Variants in LINGO2 observed in about 807,000 individuals in gnomAD.
LINGO2 encodes leucine-rich repeat and immunoglobulin-like domain-containing nogo receptor-interacting protein 2.
Under a neutral mutation model 30.6 loss-of-function variants are expected in LINGO2, and 14 were observed. The observed-to-expected ratio is 0.46, with a 90% CI of 0.30 to 0.72. LINGO2 has a LOEUF of 0.72. Ranked by LOEUF, LINGO2 falls within the 30% of genes least tolerant of loss-of-function variation. The pLI, the probability that LINGO2 is intolerant of heterozygous loss-of-function variation, is 0.07. For synonymous variants in LINGO2, 317 were observed against 288.5 expected, an observed-to-expected ratio of 1.10 and a Z score of -1.00; for missense variants, 729 against 751.7, an observed-to-expected ratio of 0.97 and a Z score of 0.35.
At chr9:29,073,326 C>A in the LINGO2 span, among the ~76,000 whole-genome samples, 2 of 151,966 alleles carry the variant, frequency 1.3e-5, no homozygotes, top group Admixed American at 6.6e-5. Flanking sequence ...CATACATTTG[C>A]AGAGTACCTA....
chr9:28,356,872 CTCTTCCACTGAG>C (rs902569441), intron 3 of LINGO2, among the ~76,000 whole-genome samples: 21 of 151,976 alleles, frequency 1.4e-4, no homozygotes, highest in African/African-American at 4.3e-4. Flanking sequence ...AGTTTACTTC[CTCTTCCACTGAG>C]TGATTATATT....
chr9:28,294,745 G>T (rs1209505247), intron 4 of LINGO2, among the ~76,000 whole-genome samples: 1 of 152,110 alleles, frequency 6.6e-6, no homozygotes, highest in East Asian at 1.9e-4. Flanking sequence ...TACTTTCAAA[G>T]AAATAAAAGA....
intron 5 of LINGO2, among the ~76,000 whole-genome samples, chr9:28,000,767 A>T (rs1326475453): frequency 6.6e-6 from 1 of 152,132 alleles, no homozygotes; most frequent in East Asian, 1.9e-4. Flanking sequence ...AAGTACACAT[A>T]AAAAAACTGC....
rs1176554662 is a variant in LINGO2, at chr9:28,148,402, G to A, written c.-86-135997C>T. ...ACCTTCAACTTCCTTCATTAGATGA[G>A]CAGGTGATCCCAGCCAGGCTCCCGA... is the stretch of plus-strand genomic sequence containing the variant. On this transcript the variant is annotated intron_variant, in intron 4 of 5. Coordinates refer to ENST00000379992, the Ensembl canonical transcript of LINGO2. The surrounding 1 kb of genome is among the most constrained non-coding windows in gnomAD (Gnocchi z 5.1). 9.7e-5 allele frequency: 123 copies of A among 1,271,800 alleles called. No individual in the cohort carries two copies. Among genetic ancestry groups the A allele is most frequent in the Non-Finnish European group, 1.2e-4 (112 of 906,470 alleles). 78.8% of individuals were successfully genotyped at this position (1,271,800 alleles called of 1,614,324 possible). A position where few individuals can be genotyped will look rare whatever the true frequency, so the allele number is the denominator to read the frequency against.
chr9:29,112,885 A>T, the LINGO2 span, among the ~76,000 whole-genome samples: 1 of 152,306 alleles, frequency 6.6e-6, no homozygotes, highest in East Asian at 1.9e-4. Flanking sequence ...CTATGTATTA[A>T]CCCACTTAAT....
At chr9:28,877,253 T>G in the LINGO2 span, among the ~76,000 whole-genome samples, 2 of 152,022 alleles carry the variant, frequency 1.3e-5, no homozygotes, top group African/African-American at 2.4e-5. Flanking sequence ...CTCTTTAGTT[T>G]AATTAGATCC....
chr9:28,119,615 C>G (rs1827034637), intron 4 of LINGO2, among the ~76,000 whole-genome samples: 1 of 152,116 alleles, frequency 6.6e-6, no homozygotes, highest in African/African-American at 2.4e-5. Context: ...TTTATCAAAC[C>G]TTTTGCCTGA....
intron 5 of LINGO2, among the ~76,000 whole-genome samples, chr9:27,994,768 G>T (rs1467825481): frequency 1.3e-5 from 2 of 152,162 alleles, no homozygotes; most frequent in African/African-American, 4.8e-5. Flanking sequence ...GGACTAGGCA[G>T]GGAGGTGGTG....
At chr9:28,607,326 G>T (rs529335462) in intron 1 of LINGO2, among the ~76,000 whole-genome samples, 2 of 152,076 alleles carry the variant, frequency 1.3e-5, no homozygotes, top group South Asian at 4.1e-4. Context: ...TTTTGACAGT[G>T]GCATTCTCAT....
At chr9:28,667,692 C>T (rs1344775149) in intron 1 of LINGO2, among the ~76,000 whole-genome samples, 5 of 152,068 alleles carry the variant, frequency 3.3e-5, no homozygotes, top group Non-Finnish European at 5.9e-5. Flanking sequence ...TGCAGTGAGC[C>T]GAGATTGTGC....
chr9:28,911,389 T>G, the LINGO2 span, among the ~76,000 whole-genome samples: 1 of 151,984 alleles, frequency 6.6e-6, no homozygotes, highest in Non-Finnish European at 1.5e-5. Flanking sequence ...TTGATATATG[T>G]TTAGACATTT....
At chr9:29,172,987 AT>A in the LINGO2 span, among the ~76,000 whole-genome samples, 1 of 152,030 alleles carries the variant, frequency 6.6e-6, no homozygotes, top group South Asian at 2.1e-4. Context: ...ACAGTCTAGT[AT>A]AATGTTATTC....
At chr9:29,092,660 G>A in the LINGO2 span, among the ~76,000 whole-genome samples, 1 of 98,068 alleles carries the variant, frequency 1.0e-5, no homozygotes, top group Non-Finnish European at 2.2e-5. Context: ...ATATGTTTGT[G>A]ACTCTAGAAT....
At chr9:29,093,029 G>GTATATATATATATA in the LINGO2 span, among the ~76,000 whole-genome samples, 48 of 98,548 alleles carry the variant, frequency 4.9e-4, 1 homozygote, top group African/African-American at 1.7e-3. Flanking sequence ...TAATGTGTGT[G>GTATATATATATATA]TATATATATA....
In LINGO2 at chr9:27,981,510, T is replaced by C. The variant is rs1168048853; in HGVS notation, c.-35-30804A>G. Among the ~76,000 whole-genome samples, 7 of 89,658 alleles carry C rather than the reference T, an allele frequency of 7.8e-5. No homozygotes were observed. The Admixed American group carries it at 1.1e-3, about 14-fold the overall frequency. 58.8% of individuals were successfully genotyped at this position (89,658 alleles called of 152,430 possible). A position where few individuals can be genotyped will look rare whatever the true frequency, so the allele number is the denominator to read the frequency against. ...TGGTTTTGTTTGAATGGAGATGATA[T>C]GAAAGGATAAATGACGAGGATGGCA... On this transcript the variant is annotated intron_variant, in intron 5 of 5. Transcript: ENST00000379992.
chr9:29,112,393 A>C, the LINGO2 span, among the ~76,000 whole-genome samples: 1 of 152,110 alleles, frequency 6.6e-6, no homozygotes, highest in African/African-American at 2.4e-5. Flanking sequence ...TGGGCTTTCC[A>C]GGTGATTCCA....
chr9:29,055,078 G>T, the LINGO2 span, among the ~76,000 whole-genome samples: 2 of 151,988 alleles, frequency 1.3e-5, no homozygotes, highest in Non-Finnish European at 2.9e-5. Context: ...AATTAGACAG[G>T]CGTGGTGGCG....
chr9:28,491,347 T>C (rs780353781), intron 1 of LINGO2, among the ~76,000 whole-genome samples: 4 of 152,170 alleles, frequency 2.6e-5, no homozygotes, highest in Non-Finnish European at 5.9e-5. Flanking sequence ...ATTGCCTTCT[T>C]ATCTGTTTTA....
At chr9:28,825,312 T>C in the LINGO2 span, among the ~76,000 whole-genome samples, 5 of 151,902 alleles carry the variant, frequency 3.3e-5, no homozygotes, top group African/African-American at 1.2e-4. Context: ...GAACTAATAG[T>C]AGAGAAGAAA....
Sources: gnomAD v4.1 joint callset for allele counts (sites outside exome capture counted in the v4.1 genomes callset) on GRCh38, gnomAD v4.1.1 for gene constraint, Gnocchi (gnomAD v3.1) non-coding constraint, MANE v1.5 for transcripts, NCBI Gene and HGNC (gene_info 2026-07-23, HGNC 2026-07-21) for gene names.